Variants in KCNC4 observed in about 807,000 individuals in gnomAD.
KCNC4 encodes the protein voltage-gated potassium channel KCNC4.
Under a neutral mutation model 42.8 loss-of-function variants are expected in KCNC4, and 23 were observed. The observed-to-expected ratio is 0.54, with a 90% CI of 0.39 to 0.76. The LOEUF is 0.76. KCNC4 is among the 30% of genes least tolerant of loss of function. The pLI is 0.00. For synonymous variants in KCNC4, 422 were observed against 393.5 expected, an observed-to-expected ratio of 1.07 and a Z score of -0.86; for missense variants, 751 against 898.2, an observed-to-expected ratio of 0.84 and a Z score of 2.10.
chr1:110,271,750 G>T (rs1405079601), intron 1 of KCNC4, among the ~76,000 whole-genome samples: 2 of 152,028 alleles, frequency 1.3e-5, no homozygotes, highest in African/African-American at 4.8e-5. Context: ...CTATTGCAGG[G>T]TGGGGAAGAA....
intron 1 of KCNC4, among the ~76,000 whole-genome samples, chr1:110,258,048 T>C (rs925154930): frequency 1.3e-5 from 2 of 152,216 alleles, no homozygotes; most frequent in Admixed American, 1.3e-4. Context: ...TTAAGAAATG[T>C]TGTCTTTTAC....
chr1:110,275,404 A>G (rs1350325938), intron 1 of KCNC4, among the ~76,000 whole-genome samples: 2 of 152,200 alleles, frequency 1.3e-5, no homozygotes, highest in African/African-American at 4.8e-5. Context: ...CTTATACACT[A>G]TTGGTGGGAA....
chr1:110,247,946 T>G (rs918203847), exon 4 of KCNC4: 1 of 152,200 alleles, frequency 6.6e-6, no homozygotes, highest in Non-Finnish European at 1.5e-5. Flanking sequence ...TTGCACTAGA[T>G]GTTTACTCGG....
chr1:110,267,113 G>A (rs899872382), intron 1 of KCNC4, among the ~76,000 whole-genome samples: 1 of 152,228 alleles, frequency 6.6e-6, no homozygotes, highest in Non-Finnish European at 1.5e-5. Context: ...GGCTGTGGGA[G>A]GCTCAGCAGT....
intron 1 of KCNC4, among the ~76,000 whole-genome samples, chr1:110,279,439 G>T (rs1659784397): frequency 6.6e-6 from 1 of 152,182 alleles, no homozygotes; most frequent in African/African-American, 2.4e-5. Flanking sequence ...ACACAGGAGA[G>T]ACCCAATAAA....
downstream of KCNC4, chr1:110,238,541 C>G (rs1658958413): frequency 6.6e-6 from 1 of 152,206 alleles, no homozygotes; most frequent in Non-Finnish European, 1.5e-5. Flanking sequence ...TATGTGGCAT[C>G]TCTGTCCCAG....
chr1:110,212,185 G>C lies in KCNC4; in HGVS notation c.678+8G>C. 6.8e-7 allele frequency: 1 copy of C among 1,474,348 alleles called. No individual in the cohort carries two copies. The highest frequency in any genetic ancestry group is 8.9e-7 in the Non-Finnish European group (1 of 1,129,074). The allele number at this position is 1,474,348 out of a possible 1,614,324, so 91.3% of individuals were successfully genotyped here. On this transcript the variant is annotated splice_region_variant and intron_variant, in intron 1 of 3. Transcript: ENST00000438661. ...TCCTCCCGGGCCGCTAGGGTGAGTG[G>C]CAGGAGCCCGTGTCTCCCCATCTTG...
chr1:110,247,219 C>A (rs1010024365), exon 4 of KCNC4: 3 of 150,720 alleles, frequency 2.0e-5, no homozygotes, highest in African/African-American at 7.3e-5. Flanking sequence ...AGTAAACATA[C>A]GAGTGCAGGT....
chr1:110,280,063 G>C (rs574717013), intron 1 of KCNC4, among the ~76,000 whole-genome samples: 4 of 152,080 alleles, frequency 2.6e-5, no homozygotes, highest in Non-Finnish European at 5.9e-5. Context: ...TTACAGGTGT[G>C]AGCCACCGCA....
intron 1 of KCNC4, among the ~76,000 whole-genome samples, chr1:110,274,556 G>A (rs185717184): frequency 6.6e-6 from 1 of 152,186 alleles, no homozygotes; most frequent in African/African-American, 2.4e-5. Context: ...AATAGCCAAA[G>A]CAATCCTAAG....
At chr1:110,235,538 G>A (rs1460477837), downstream of KCNC4, 1 of 152,200 alleles carries the variant, frequency 6.6e-6, no homozygotes, top group Non-Finnish European at 1.5e-5. Context: ...GGTACTAGAT[G>A]CCAGAGTGGT....
intron 1 of KCNC4, among the ~76,000 whole-genome samples, chr1:110,269,874 A>G (rs2101084619): frequency 6.6e-6 from 1 of 151,544 alleles, no homozygotes; most frequent in Middle Eastern, 3.4e-3. Flanking sequence ...CCCCATTCCA[A>G]CCTCCCTCCG....
chr1:110,226,792 T>C (rs1480753288), intron 3 of KCNC4, among the ~76,000 whole-genome samples: 1 of 152,154 alleles, frequency 6.6e-6, no homozygotes, highest in Non-Finnish European at 1.5e-5. Context: ...CTGAGGAATG[T>C]TCTGAGTATT....
chr1:110,212,069 C>A lies in KCNC4; in HGVS notation c.570C>A (p.Gly190=). ...DERELALQRL[G]PHEGGAGHGA... is the part of the protein sequence containing the mutation. ...GGGAGCTGGCCCTGCAGCGACTGGG[C>A]CCCCACGAGGGAGGCGCGGGCCATG... The change falls in exon 1 of 4, where the codon GGC becomes GGA. Residue 190 remains glycine, a synonymous_variant. Transcript: ENST00000438661. The A allele has an allele frequency of 1.3e-6, 2 of 1,546,936 alleles. No individual in the cohort carries two copies. Among genetic ancestry groups the A allele is most frequent in the Non-Finnish European group, 8.7e-7 (1 of 1,153,164 alleles).
rs145268965 is a variant in KCNC4, at chr1:110,270,516, G to T, written n.31-12018G>T. Among the ~76,000 whole-genome samples the T allele has an allele frequency of 6.6e-5, 10 of 152,322 alleles. 1 individual carries two copies. The highest frequency in any genetic ancestry group is 2.4e-4 in the African/African-American group (10 of 41,556). On this transcript the variant is annotated intron_variant and non_coding_transcript_variant, in intron 1 of 2. Transcript: ENST00000412512. The stretch of plus-strand genomic sequence containing the variant: ...TGATGACCCTGTCCACATAGGCACT[G>T]CGAGTCTTACAAGTTGTCCCCATAT...
rs1035489092 is a variant in KCNC4 at position 110,228,328 on chromosome 1, A to G, written c.1819+2150A>G. ...CTATCAAGGAGCTGGTGGGAAGCTTACCTGGGGGCAGGACAGGACAAAAGT... is the reference window on the plus strand; with the variant it reads ...CTATCAAGGAGCTGGTGGGAAGCTTGCCTGGGGGCAGGACAGGACAAAAGT... On this transcript the variant is annotated intron_variant, in intron 3 of 3. Coordinates refer to ENST00000438661, the MANE Select transcript of KCNC4 (RefSeq NM_001039574.3). Among the ~76,000 whole-genome samples, 4 of 152,044 alleles carry G rather than the reference A, an allele frequency of 2.6e-5. No individual in the cohort carries two copies. The South Asian group carries it at 8.3e-4, about 32-fold the overall frequency.
chr1:110,264,404 C>G (rs1659503872), intron 1 of KCNC4, among the ~76,000 whole-genome samples: 1 of 152,144 alleles, frequency 6.6e-6, no homozygotes, highest in Non-Finnish European at 1.5e-5. Context: ...ATTATTAGCT[C>G]TGGCTCATGG....
At chr1:110,260,755 C>G (rs1368777615) in intron 1 of KCNC4, among the ~76,000 whole-genome samples, 2 of 152,048 alleles carry the variant, frequency 1.3e-5, no homozygotes, top group African/African-American at 4.8e-5. Flanking sequence ...ACGGTGAAAC[C>G]CCATCTCTAC....
intron 3 of KCNC4, among the ~76,000 whole-genome samples, chr1:110,231,382 T>G (rs1222881976): frequency 6.6e-6 from 1 of 152,064 alleles, no homozygotes; most frequent in Non-Finnish European, 1.5e-5. Flanking sequence ...GGAAGACCCC[T>G]CCCCAACTCT....
Sources: allele counts gnomAD v4.1 joint callset (sites outside exome capture counted in the v4.1 genomes callset), GRCh38; gene constraint gnomAD v4.1.1; transcripts MANE v1.5; gene names NCBI Gene and HGNC (gene_info 2026-07-23, HGNC 2026-07-21).